Variants in SLC35F3 observed in about 807,000 individuals in gnomAD.
The protein encoded by SLC35F3 is solute carrier family 35 member F3.
A neutral mutation model predicts 49.9 loss-of-function variants in SLC35F3; 25 were observed. That is an observed-to-expected ratio of 0.50 (90% CI 0.37 to 0.70). The LOEUF is 0.70. Ranked by LOEUF, SLC35F3 falls within the 30% of genes least tolerant of loss-of-function variation. SLC35F3 has a pLI of 0.00. For synonymous variants in SLC35F3, 275 were observed against 265.4 expected (o/e 1.04, Z -0.35); for missense variants, 525 against 639.8 (o/e 0.82, Z 1.94).
At chr1:234,162,976 A>G (rs1199344731) in intron 2 of SLC35F3, among the ~76,000 whole-genome samples, 5 of 152,194 alleles carry the variant, frequency 3.3e-5, no homozygotes, top group African/African-American at 1.2e-4. Flanking sequence ...TGCTCTAAGA[A>G]TGTTGATGGT....
At position 234,214,602 on chromosome 1, in the gene SLC35F3, G is replaced by T. The variant is rs531110309; in HGVS notation, c.284-16815G>T. The T allele has an allele frequency of 2.6e-6, 4 of 1,517,402 alleles. No individual in the cohort carries two copies. The highest frequency in any genetic ancestry group is 2.5e-5 in the South Asian group (2 of 80,262). 94.0% of individuals were successfully genotyped at this position (1,517,402 alleles called of 1,614,324 possible). A position where few individuals can be genotyped will look rare whatever the true frequency, so the allele number is the denominator to read the frequency against. On this transcript the variant is annotated intron_variant, in intron 2 of 7. Transcript: ENST00000366618. This position sits in a 1 kb window ranked among gnomAD's most constrained non-coding sequence, Gnocchi z 8.0. ...AATGCGCGGCCGCCTCGCCCCGGGG[G>T]TCCCTGCACCCTAGCCGGGGAATGC...
chr1:234,103,623 G>T (rs1276873946), intron 2 of SLC35F3, among the ~76,000 whole-genome samples: 2 of 152,150 alleles, frequency 1.3e-5, no homozygotes, highest in African/African-American at 4.8e-5. Flanking sequence ...GATCTAAGCT[G>T]AAATCGTTGG....
At chr1:234,298,972 T>G (rs896289447) in intron 3 of SLC35F3, among the ~76,000 whole-genome samples, 3 of 152,180 alleles carry the variant, frequency 2.0e-5, no homozygotes, top group African/African-American at 7.2e-5. Flanking sequence ...TCTTATAGAA[T>G]TTTCCAGTTC....
intron 2 of SLC35F3, among the ~76,000 whole-genome samples, chr1:233,987,089 C>G (rs1229233134): frequency 1.3e-5 from 2 of 152,030 alleles, no homozygotes; most frequent in African/African-American, 4.8e-5. Flanking sequence ...GAGTTTGAGA[C>G]CAGCCTGGCC....
In SLC35F3 at chr1:233,936,103, A is replaced by G. The variant is rs562796523; in HGVS notation, c.283+30345A>G. Among the ~76,000 whole-genome samples, 8 of 152,314 alleles carry G rather than the reference A, an allele frequency of 5.3e-5. No homozygotes were observed. In the East Asian group the frequency reaches 1.5e-3, roughly 29 times the overall value. On this transcript the variant is annotated intron_variant, in intron 2 of 7. Coordinates refer to ENST00000366618, the MANE Select transcript of SLC35F3 (RefSeq NM_173508.4). ...TGGTTGTAGGTTTTAAGTAGTGTTAACTATGTATTTGTTTTTGGTGCTGGT... is the reference window on the plus strand; with the variant it reads ...TGGTTGTAGGTTTTAAGTAGTGTTAGCTATGTATTTGTTTTTGGTGCTGGT...
At position 234,214,597 on chromosome 1, in the gene SLC35F3, C is replaced by CG; in HGVS notation, c.284-16815dup. On this transcript the variant is annotated intron_variant, in intron 2 of 7. Transcript: ENST00000366618. This position sits in a 1 kb window ranked among gnomAD's most constrained non-coding sequence, Gnocchi z 8.0. ...AAGGTAATGCGCGGCCGCCTCGCCC[C>CG]GGGGGTCCCTGCACCCTAGCCGGGG... is the stretch of plus-strand genomic sequence containing the variant. 1 of 1,522,620 alleles carries CG rather than the reference C, an allele frequency of 6.6e-7. No homozygotes were observed. The highest frequency in any genetic ancestry group is 8.8e-7 in the Non-Finnish European group (1 of 1,135,522). 94.3% of individuals were successfully genotyped at this position (1,522,620 alleles called of 1,614,324 possible). A position where few individuals can be genotyped will look rare whatever the true frequency, so the allele number is the denominator to read the frequency against.
intron 2 of SLC35F3, among the ~76,000 whole-genome samples, chr1:234,221,203 G>T (rs1423857590): frequency 1.3e-5 from 2 of 152,106 alleles, no homozygotes; most frequent in African/African-American, 4.8e-5. Flanking sequence ...GGGTGGGTGG[G>T]GGCATTACTG....
At chr1:234,143,590 C>G (rs1285602566) in intron 2 of SLC35F3, among the ~76,000 whole-genome samples, 1 of 152,092 alleles carries the variant, frequency 6.6e-6, no homozygotes, top group Non-Finnish European at 1.5e-5. Flanking sequence ...CCACGCCCAG[C>G]CAAATTTGAC....
At chr1:234,264,494 T>A (rs1354669639) in intron 3 of SLC35F3, among the ~76,000 whole-genome samples, 1 of 152,248 alleles carries the variant, frequency 6.6e-6, no homozygotes, top group Non-Finnish European at 1.5e-5. Flanking sequence ...GAGTCATATG[T>A]TGCCAAATCC....
At chr1:234,121,784 A>G (rs372527195) in intron 2 of SLC35F3, among the ~76,000 whole-genome samples, 4 of 152,190 alleles carry the variant, frequency 2.6e-5, no homozygotes, top group Admixed American at 1.3e-4. Context: ...TCATTGTTCA[A>G]TTCCCACCTA....
At chr1:234,201,417 C>T (rs1666898866) in intron 2 of SLC35F3, among the ~76,000 whole-genome samples, 1 of 152,120 alleles carries the variant, frequency 6.6e-6, no homozygotes, top group Non-Finnish European at 1.5e-5. Flanking sequence ...GTTGTCCATC[C>T]CATTAATAAA....
Position 234,297,388 on chromosome 1 carries a change from T to C in SLC35F3, c.609-11713T>C, listed in dbSNP as rs530517520. Among the ~76,000 whole-genome samples, 9 of 152,364 alleles carry C rather than the reference T, an allele frequency of 5.9e-5. No homozygotes were observed. The East Asian group carries it at 1.5e-3, about 26-fold the overall frequency. On this transcript the variant is annotated intron_variant, in intron 3 of 7. Transcript: ENST00000366618. ...CACAGCACGATTCACAATAGCCAGC[T>C]TCAATGTTTATTGATGGATGAATGG...
chr1:234,228,512 A>G (rs558093535), intron 2 of SLC35F3, among the ~76,000 whole-genome samples: 2 of 152,352 alleles, frequency 1.3e-5, no homozygotes, highest in African/African-American at 4.8e-5. Flanking sequence ...AGCTCTTGGC[A>G]CAGGGCACAT....
intron 3 of SLC35F3, among the ~76,000 whole-genome samples, chr1:234,270,890 T>C (rs1452817708): frequency 3.3e-5 from 5 of 152,142 alleles, no homozygotes; most frequent in Non-Finnish European, 7.4e-5. Flanking sequence ...TGCTCAGAAG[T>C]TGTCCTCATC....
intron 2 of SLC35F3, among the ~76,000 whole-genome samples, chr1:233,963,867 T>G (rs1363442394): frequency 6.6e-6 from 1 of 152,152 alleles, no homozygotes; most frequent in Non-Finnish European, 1.5e-5. Context: ...TTGGCTCTTC[T>G]CAGCTGGAGT....
chr1:234,233,937 A>G (rs1035522087), intron 3 of SLC35F3, among the ~76,000 whole-genome samples: 3 of 152,234 alleles, frequency 2.0e-5, no homozygotes, highest in Non-Finnish European at 4.4e-5. Flanking sequence ...CCAGCCAATT[A>G]TTAGGCATGT....
intron 2 of SLC35F3, among the ~76,000 whole-genome samples, chr1:233,920,217 G>A (rs1335634284): frequency 6.6e-6 from 1 of 152,160 alleles, no homozygotes; most frequent in Non-Finnish European, 1.5e-5. Context: ...CAAGAAAAAG[G>A]GAGGTCACAG....
At chr1:234,104,470 G>A (rs1457231824) in intron 2 of SLC35F3, among the ~76,000 whole-genome samples, 6 of 152,208 alleles carry the variant, frequency 3.9e-5, no homozygotes, top group Admixed American at 3.9e-4. Context: ...ATTACACTGA[G>A]TAGGCCTTTA....
intron 2 of SLC35F3, among the ~76,000 whole-genome samples, chr1:234,208,729 C>G (rs982825234): frequency 6.6e-6 from 1 of 152,132 alleles, no homozygotes; most frequent in East Asian, 1.9e-4. Context: ...CTATATCTAC[C>G]CAGCACACCC....
Sources: allele counts gnomAD v4.1 joint callset (sites outside exome capture counted in the v4.1 genomes callset), GRCh38; gene constraint gnomAD v4.1.1; non-coding constraint Gnocchi (gnomAD v3.1); transcripts MANE v1.5; gene names NCBI Gene and HGNC (gene_info 2026-07-23, HGNC 2026-07-21).